Variants in SAMD11 observed in about 807,000 individuals in gnomAD.
SAMD11 encodes sterile alpha motif domain-containing protein 11.
A neutral mutation model predicts 64.4 loss-of-function variants in SAMD11; 77 were observed. The observed-to-expected ratio is 1.20, with a 90% CI of 0.99 to 1.44. SAMD11 has a LOEUF of 1.44. Among genes scored for constraint, SAMD11 ranks in the 40% most tolerant of loss-of-function variants. The probability of loss-of-function intolerance (pLI) is 0.00; values close to 1 mark genes in which losing one functional copy is unlikely to be tolerated. For synonymous variants in SAMD11, 658 were observed against 421.9 expected, an observed-to-expected ratio of 1.56 and a Z score of -6.86; for missense variants, 1,402 against 943.3, an observed-to-expected ratio of 1.49 and a Z score of -6.37.
chr1:939,402 C>A lies in SAMD11; in HGVS notation c.1185C>A (p.Leu395=). The A allele has an allele frequency of 6.9e-7, 1 of 1,442,064 alleles. No homozygotes were observed. Among genetic ancestry groups the A allele is most frequent in the Non-Finnish European group, 9.6e-7 (1 of 1,044,444 alleles). The allele number at this position is 1,442,064 out of a possible 1,614,324, so 89.3% of individuals were successfully genotyped here. The stretch of plus-strand genomic sequence containing the variant: ...CTCAGCGCCTCTACCACCTGGGCCT[C>A]CCCAGCCACGGTGAGGACCCACCCT... ...EDPQRLYHLG[L]PSHDLLRVRQ... The change falls in exon 7 of 14, where the codon CTC becomes CTA. Residue 395 remains leucine, a synonymous_variant. Transcript: ENST00000616016.
Position 943,342 on chromosome 1 carries a change from G to T in SAMD11, c.2143G>T (p.Val715Leu), listed in dbSNP as rs762773100. The change falls in exon 12 of 14, where the codon GTG becomes TTG. Residue 715 changes from valine (V) to leucine (L), a missense_variant. Val to Leu is a conservative substitution (Grantham distance 32). Transcript: ENST00000616016. ...GACCGTGGATGACGTCTGCAGCTTC[G>T]TGGGGGGCCTGTCTGGCTGTGGAGA... Reference protein sequence around the residue: ...KWTVDDVCSFVGGLSGCGEYT... With the variant: ...KWTVDDVCSFLGGLSGCGEYT... 2 of 1,598,398 alleles carry T rather than the reference G, an allele frequency of 1.3e-6. No homozygotes were observed. Among genetic ancestry groups the T allele is most frequent in the Non-Finnish European group, 1.7e-6 (2 of 1,171,612 alleles).
chr1:941,344 G>T, intron 8 of SAMD11, 38 bp downstream of exon 8: 1 of 1,488,172 alleles, frequency 6.7e-7, no homozygotes, highest in Non-Finnish European at 8.9e-7. Flanking sequence ...TGTTTCTGGG[G>T]TGCCGCCCGC....
chr1:931,799 G>C (rs1175364602), intron 4 of SAMD11, among the ~76,000 whole-genome samples: 1 of 152,250 alleles, frequency 6.6e-6, no homozygotes, highest in Non-Finnish European at 1.5e-5. Context: ...GTGGAAAGGA[G>C]ATAAAAATGA....
chr1:931,046 A>G lies in SAMD11; in HGVS notation c.799A>G (p.Thr267Ala). ...HIRIMKRRVH[T>A]HWDVNISFRE... Reference sequence around the variant, plus strand: ...CTGCTTCCCTTCCTGCAGAGTCCACACCCACTGGGACGTGAACATCTCTTT... The same window carrying G: ...CTGCTTCCCTTCCTGCAGAGTCCACGCCCACTGGGACGTGAACATCTCTTT... The change falls in exon 4 of 14, where the codon ACC (threonine) becomes GCC (alanine). Residue 267 changes from threonine to alanine, a missense_variant. Physicochemically the swap from Thr to Ala is moderately conservative, Grantham distance 58. Coordinates refer to ENST00000616016, the MANE Select transcript of SAMD11 (RefSeq NM_001385641.1). 1 of 1,612,832 alleles carries G rather than the reference A, an allele frequency of 6.2e-7. No individual in the cohort carries two copies. Among genetic ancestry groups the G allele is most frequent in the Non-Finnish European group, 8.5e-7 (1 of 1,179,646 alleles).
At position 943,258 on chromosome 1, in the gene SAMD11, G is replaced by A. The variant is rs200342492; in HGVS notation, c.2059G>A (p.Val687Ile). 12 of 1,612,820 alleles carry A rather than the reference G, an allele frequency of 7.4e-6. No homozygotes were observed. Among genetic ancestry groups the A allele is most frequent in the Non-Finnish European group, 9.3e-6 (11 of 1,179,884 alleles). Residue 687 changes from valine (V) to isoleucine (I), a missense_variant, in exon 12 of 14, where the codon GTA becomes ATA. Val to Ile is a conservative substitution (Grantham distance 29). Coordinates refer to ENST00000616016, the MANE Select transcript of SAMD11 (RefSeq NM_001385641.1). ...TAACACGCCCCACAACTCAGGCGCG[G>A]TAGGGGGACTCTCCATGGATGGGGA... ...AVSPYFHTGA[V>I]GGLSMDGEEA... is the part of the protein sequence containing the mutation.
chr1:937,143 C>G (rs1641498547), intron 5 of SAMD11, among the ~76,000 whole-genome samples: 2 of 152,168 alleles, frequency 1.3e-5, no homozygotes, highest in African/African-American at 4.8e-5. Flanking sequence ...CTCCCCGGAG[C>G]CTCCTCTTGG....
intron 2 of SAMD11, among the ~76,000 whole-genome samples, chr1:929,006 T>C (rs1359900884): frequency 1.3e-5 from 2 of 152,072 alleles, no homozygotes; most frequent in Non-Finnish European, 2.9e-5. Context: ...GGGAGTGAGT[T>C]AGACGCTCTC....
Position 944,307 on chromosome 1 carries a change from T to C in SAMD11, c.*154T>C, listed in dbSNP as rs2839. Reference sequence around the variant, plus strand: ...GACTTCAAAGGAAAGGAACAAATTTTCAAAGACTTGGGGGAGTGAAGGCAG... The same window carrying C: ...GACTTCAAAGGAAAGGAACAAATTTCCAAAGACTTGGGGGAGTGAAGGCAG... On this transcript the variant is annotated 3_prime_UTR_variant, in exon 14 of 14. Transcript: ENST00000616016. 0.94 allele frequency: 1,312,717 copies of C among 1,392,454 alleles called. 618,881 individuals carry two copies. Among genetic ancestry groups the C allele is most frequent in the Non-Finnish European group, 0.95 (1,020,789 of 1,078,610 alleles). The allele number at this position is 1,392,454 out of a possible 1,614,324, so 86.3% of individuals were successfully genotyped here.
chr1:924,232 G>A lies in SAMD11; in HGVS notation c.-200G>A, dbSNP rs1288864942. On this transcript the variant is annotated 5_prime_UTR_variant, in exon 1 of 14. Transcript: ENST00000616016. ...GCAGCTCCATGTCTCCGGCCTCTGA[G>A]GCCCCGCCGGCCGGCTGGGCAGTCC... The A allele has an allele frequency of 1.3e-5, 2 of 149,774 alleles. No homozygotes were observed. The highest frequency in any genetic ancestry group is 4.9e-5 in the African/African-American group (2 of 41,114). The allele number at this position is 149,774 out of a possible 1,614,324, so 9.3% of individuals were successfully genotyped here. A position where few individuals can be genotyped will look rare whatever the true frequency, so the allele number is the denominator to read the frequency against.
rs564703450 is a variant in SAMD11 at position 942,601 on chromosome 1, G to C, written c.1596G>C (p.Glu532Asp). 1.5e-3 allele frequency: 2,123 copies of C among 1,436,112 alleles called. 2 individuals carry two copies. Among genetic ancestry groups the C allele is most frequent in the Non-Finnish European group, 1.8e-3 (2,034 of 1,102,528 alleles). 89.0% of individuals were successfully genotyped at this position (1,436,112 alleles called of 1,614,324 possible). The change falls in exon 11 of 14, where the codon GAG becomes GAC. Residue 532 changes from glutamate to aspartate, a missense_variant. Coordinates refer to ENST00000616016, the MANE Select transcript of SAMD11 (RefSeq NM_001385641.1). ...ACCTCCTGCGGCAGAAGGAGCTGGA[G>C]AGCGCGCGCCCACAGCTGCTGGCGC... ...PADLLRQKEL[E>D]SARPQLLAPE... is the part of the protein sequence containing the mutation.
chr1:931,984 G>C (rs1227049569), intron 4 of SAMD11, among the ~76,000 whole-genome samples: 1 of 152,246 alleles, frequency 6.6e-6, no homozygotes, highest in Admixed American at 6.5e-5. Flanking sequence ...CACAAGGCCA[G>C]CTTCCTGGGG....
At chr1:937,175 C>T (rs970786223) in intron 5 of SAMD11, among the ~76,000 whole-genome samples, 11 of 152,116 alleles carry the variant, frequency 7.2e-5, no homozygotes, top group Non-Finnish European at 1.2e-4. Flanking sequence ...CCCTGGGGGG[C>T]GTTCACCTCT....
rs547844970 is a variant in SAMD11, at chr1:944,363, C to T, written c.*210C>T. On this transcript the variant is annotated 3_prime_UTR_variant, in exon 14 of 14. Coordinates refer to ENST00000616016, the MANE Select transcript of SAMD11 (RefSeq NM_001385641.1). ...GGTGCAGATGGACGAGGTCTGCAGA[C>T]GGAGGGCAGAGGTGGTGGAAGGGGC... 2.3e-4 allele frequency: 310 copies of T among 1,359,106 alleles called. No individual in the cohort carries two copies. Among genetic ancestry groups the T allele is most frequent in the South Asian group, 9.1e-4 (46 of 50,624 alleles). 84.2% of individuals were successfully genotyped at this position (1,359,106 alleles called of 1,614,324 possible).
intron 8 of SAMD11, 136 bp downstream of exon 8, chr1:941,442 G>C: frequency 1.1e-6 from 1 of 913,684 alleles, no homozygotes; most frequent in South Asian, 1.8e-5. Flanking sequence ...AGAGCGTTTC[G>C]GGGGTGACAC....
intron 2 of SAMD11, among the ~76,000 whole-genome samples, chr1:928,506 C>T (rs553755727): frequency 3.9e-5 from 6 of 152,390 alleles, no homozygotes; most frequent in East Asian, 1.9e-4. Context: ...CAGCACACTC[C>T]GGACAGGCTG....
At chr1:933,387 C>T (rs978633200) in intron 4 of SAMD11, among the ~76,000 whole-genome samples, 2 of 152,168 alleles carry the variant, frequency 1.3e-5, no homozygotes, top group Non-Finnish European at 2.9e-5. Flanking sequence ...GCACCCAGCT[C>T]CCCACCAGGT....
At position 942,127 on chromosome 1, in the gene SAMD11, C is replaced by A. The variant is rs530087426; in HGVS notation, c.1359-9C>A. On this transcript the variant is annotated splice_polypyrimidine_tract_variant and intron_variant, in intron 8 of 13. Transcript: ENST00000616016. ...GGGGGGACGCCGCTCATTGCGCTGC[C>A]GTCCACAGGGAGCTGCCTCAGCCGC... 48 of 1,154,890 alleles carry A rather than the reference C, an allele frequency of 4.2e-5. No homozygotes were observed. Among genetic ancestry groups the A allele is most frequent in the Non-Finnish European group, 5.3e-5 (45 of 841,192 alleles). The allele number at this position is 1,154,890 out of a possible 1,614,324, so 71.5% of individuals were successfully genotyped here.
At chr1:928,185 A>G (rs369730262) in intron 2 of SAMD11, among the ~76,000 whole-genome samples, 2 of 152,052 alleles carry the variant, frequency 1.3e-5, no homozygotes, top group East Asian at 1.9e-4. Context: ...CGAGGTCAGG[A>G]GATCGAGACC....
chr1:938,026 C>T (rs1641550989), intron 5 of SAMD11, among the ~76,000 whole-genome samples: 1 of 152,216 alleles, frequency 6.6e-6, no homozygotes, highest in East Asian at 1.9e-4. Context: ...TGGCCCCTCA[C>T]TCCACCCAGC....
Sources: allele counts gnomAD v4.1 joint callset (sites outside exome capture counted in the v4.1 genomes callset), GRCh38; gene constraint gnomAD v4.1.1; transcripts MANE v1.5; gene names NCBI Gene and HGNC (gene_info 2026-07-23, HGNC 2026-07-21).